The following SLC9A4 variants were observed in gnomAD, a reference collection of about 807,000 sequenced individuals.
SLC9A4 encodes the protein solute carrier family 9 member A4.
A neutral mutation model predicts 67.4 loss-of-function variants in SLC9A4; 63 were observed. That is an observed-to-expected ratio of 0.93 (90% CI 0.76 to 1.15). The LOEUF is 1.15. Among genes scored for constraint, SLC9A4 ranks in the 50% most tolerant of loss-of-function variants. The pLI is 0.00. For missense variants in SLC9A4, 1,089 were observed against 987.7 expected (o/e 1.10, Z -1.38); for synonymous variants, 393 against 367.2 (o/e 1.07, Z -0.80).
At chr2:102,479,473 C>T (rs1455816815) in intron 2 of SLC9A4, among the ~76,000 whole-genome samples, 171 bp downstream of exon 2, 1 of 152,182 alleles carries the variant, frequency 6.6e-6, no homozygotes, top group Non-Finnish European at 1.5e-5. Context: ...GGGATCTGCA[C>T]TGCCTACATA....
intron 2 of SLC9A4, 44 bp downstream of exon 2, chr2:102,479,346 T>C: frequency 6.5e-7 from 1 of 1,548,804 alleles, no homozygotes; most frequent in Non-Finnish European, 8.7e-7. Flanking sequence ...GAGATGAGGG[T>C]TCGGGGTGGG....
chr2:102,491,721 C>G (rs1684706765), intron 2 of SLC9A4, among the ~76,000 whole-genome samples: 1 of 152,150 alleles, frequency 6.6e-6, no homozygotes, highest in Non-Finnish European at 1.5e-5. Flanking sequence ...CCTCCCAAAT[C>G]TCATGTCCTC....
chr2:102,530,409 G>A (rs1674754047), intron 11 of SLC9A4, among the ~76,000 whole-genome samples: 1 of 152,212 alleles, frequency 6.6e-6, no homozygotes, highest in Non-Finnish European at 1.5e-5. Flanking sequence ...TATGCGAAAA[G>A]GACAAAACAC....
chr2:102,527,490 A>G (rs1240631323), intron 11 of SLC9A4, among the ~76,000 whole-genome samples: 1 of 152,352 alleles, frequency 6.6e-6, no homozygotes, highest in East Asian at 1.9e-4. Flanking sequence ...TACTTAAGGT[A>G]TTATCAACTT....
At chr2:102,499,933 A>T (rs1173284352) in intron 2 of SLC9A4, among the ~76,000 whole-genome samples, 5 of 152,216 alleles carry the variant, frequency 3.3e-5, no homozygotes, top group Non-Finnish European at 7.3e-5. Context: ...TGAGAGATTT[A>T]TAACGAAAAC....
At position 102,514,579 on chromosome 2, in the gene SLC9A4, G is replaced by A. The variant is rs576347152; in HGVS notation, c.1721+328G>A. Among the ~76,000 whole-genome samples, 9 of 152,206 alleles carry A rather than the reference G, an allele frequency of 5.9e-5. No individual in the cohort carries two copies. In the South Asian group the frequency reaches 8.3e-4, roughly 14 times the overall value. On this transcript the variant is annotated intron_variant, in intron 8 of 11. Transcript: ENST00000295269. ...TCATTTTCCTCTTGACATGACCCCCGTGCATGTGATTCTGTCCTTCCTACC... is the reference window on the plus strand; with the variant it reads ...TCATTTTCCTCTTGACATGACCCCCATGCATGTGATTCTGTCCTTCCTACC...
intron 2 of SLC9A4, among the ~76,000 whole-genome samples, chr2:102,488,165 C>G (rs1279672438): frequency 2.6e-5 from 4 of 152,102 alleles, no homozygotes; most frequent in African/African-American, 9.7e-5. Flanking sequence ...CTGTGGTTTT[C>G]AACAGCTGTC....
chr2:102,525,542 C>T (rs756771061), intron 10 of SLC9A4, among the ~76,000 whole-genome samples: 36 of 151,706 alleles, frequency 2.4e-4, no homozygotes, highest in Non-Finnish European at 4.6e-4. Context: ...ATGCTTACTT[C>T]TCTCCCAAGA....
rs1674796291 is a variant in SLC9A4, at chr2:102,532,415, A to G, written c.2124A>G (p.Gln708=). The change falls in exon 12 of 12, where the codon CAA becomes CAG. Residue 708 remains glutamine, a synonymous_variant. Coordinates refer to ENST00000295269, the MANE Select transcript of SLC9A4 (RefSeq NM_001011552.4). ...GGTCACTTCAGAAGCAAGAGGCACAAGAAATAATACCAATGAAGAGCCTAC... is the reference window on the plus strand; with the variant it reads ...GGTCACTTCAGAAGCAAGAGGCACAGGAAATAATACCAATGAAGAGCCTAC... ...RIGSLQKQEA[Q]EIIPMKSLHR... is the part of the protein sequence containing the mutation. 6.2e-7 allele frequency: 1 copy of G among 1,614,234 alleles called. No individual in the cohort carries two copies. The highest frequency in any genetic ancestry group is 8.5e-7 in the Non-Finnish European group (1 of 1,180,046).
At chr2:102,514,040 T>C in intron 7 of SLC9A4, 50 bp from the exon 8 acceptor site, 1 of 1,577,938 alleles carries the variant, frequency 6.3e-7, no homozygotes, top group South Asian at 1.2e-5. Flanking sequence ...ATACTTAATG[T>C]AACACATACA....
chr2:102,532,629 G>T lies in SLC9A4; in HGVS notation c.2338G>T (p.Asp780Tyr). The change falls in exon 12 of 12, where the codon GAC becomes TAC. Residue 780 changes from aspartate (D) to tyrosine (Y), a missense_variant. By Grantham distance (160) the Asp-to-Tyr change is radical. Transcript: ENST00000295269. ...TGAGGTTCGGTCGAGGTGGACAGCTGACCATGGACACGGCAGGGACCATCA... is the reference window on the plus strand; with the variant it reads ...TGAGGTTCGGTCGAGGTGGACAGCTTACCATGGACACGGCAGGGACCATCA... Reference protein sequence around the residue: ...LVEVRSRWTADHGHGRDHHRS... With the variant: ...LVEVRSRWTAYHGHGRDHHRS... 1 of 1,614,042 alleles carries T rather than the reference G, an allele frequency of 6.2e-7. No homozygotes were observed. The highest frequency in any genetic ancestry group is 1.1e-5 in the South Asian group (1 of 91,056).
In SLC9A4 at chr2:102,519,887, CT is replaced by C; in HGVS notation, c.1753del (p.Ser585ProfsTer8). The part of the protein sequence containing the change: ...QAQRIQGIKR[L>X]SPEDVESIRD... ...CCAGAGGATACAAGGAATCAAAAGACTTTCCCCTGAAGATGTGGAGTCCATA... is the reference window on the plus strand; with the variant it reads ...CCAGAGGATACAAGGAATCAAAAGACTTCCCCTGAAGATGTGGAGTCCATA... On this transcript the variant is annotated frameshift_variant, in exon 9 of 12. Transcript: ENST00000295269. LOFTEE classifies it high-confidence loss of function. 3.1e-6 allele frequency: 5 copies of C among 1,613,822 alleles called. No homozygotes were observed. Among genetic ancestry groups the C allele is most frequent in the Non-Finnish European group, 4.2e-6 (5 of 1,179,770 alleles).
chr2:102,479,370 G>A, intron 2 of SLC9A4, 68 bp downstream of exon 2: 1 of 1,487,766 alleles, frequency 6.7e-7, no homozygotes, highest in Non-Finnish European at 9.0e-7. Flanking sequence ...GGGGACCGGA[G>A]GCTGTGGAGA....
At chr2:102,524,590 G>A (rs980389284) in intron 9 of SLC9A4, among the ~76,000 whole-genome samples, 47 of 152,068 alleles carry the variant, frequency 3.1e-4, no homozygotes, top group African/African-American at 9.9e-4. Flanking sequence ...GTGTGTTTGT[G>A]TGCTTGCGTG....
chr2:102,520,217 C>T (rs2104445271), intron 9 of SLC9A4, among the ~76,000 whole-genome samples: 1 of 152,314 alleles, frequency 6.6e-6, no homozygotes, highest in East Asian at 1.9e-4. Flanking sequence ...GCCCTGCAGC[C>T]TGGTGCTGTC....
chr2:102,495,218 G>A (rs1278846113), intron 2 of SLC9A4, among the ~76,000 whole-genome samples: 1 of 151,908 alleles, frequency 6.6e-6, no homozygotes, highest in Non-Finnish European at 1.5e-5. Context: ...CAAACTTCTA[G>A]ATGTTTCATG....
At chr2:102,492,574 C>T (rs1684725790) in intron 2 of SLC9A4, among the ~76,000 whole-genome samples, 2 of 152,234 alleles carry the variant, frequency 1.3e-5, no homozygotes, top group African/African-American at 4.8e-5. Context: ...CACACCGTAC[C>T]ATGTCCTAAG....
At chr2:102,482,334 C>G (rs6737325) in intron 2 of SLC9A4, among the ~76,000 whole-genome samples, 1 of 151,888 alleles carries the variant, frequency 6.6e-6, no homozygotes, top group African/African-American at 2.4e-5. Context: ...CTCAGATGAC[C>G]GCTGAAGTTT....
intron 6 of SLC9A4, among the ~76,000 whole-genome samples, chr2:102,510,906 C>T (rs1685153316): frequency 2.0e-5 from 3 of 152,166 alleles, no homozygotes; most frequent in South Asian, 2.1e-4. Flanking sequence ...TGTACAGCTC[C>T]AAGGAATAGA....
Sources: gnomAD v4.1 joint callset for allele counts (sites outside exome capture counted in the v4.1 genomes callset) on GRCh38, gnomAD v4.1.1 for gene constraint, MANE v1.5 for transcripts, NCBI Gene and HGNC (gene_info 2026-07-23, HGNC 2026-07-21) for gene names.